The following NDUFV3 variants were observed in gnomAD, a reference collection of about 807,000 sequenced individuals.
The protein encoded by NDUFV3 is NADH dehydrogenase [ubiquinone] flavoprotein 3, mitochondrial.
Under a neutral mutation model 37.5 loss-of-function variants are expected in NDUFV3, and 44 were observed. The ratio of observed to expected loss-of-function variants is 1.17; its 90% confidence interval spans 0.92 to 1.51. NDUFV3 has a LOEUF of 1.51. Among genes scored for constraint, NDUFV3 ranks in the 40% most tolerant of loss-of-function variants. The pLI is 0.00. For missense variants in NDUFV3, 580 were observed against 580.4 expected (o/e 1.00, Z 0.01); for synonymous variants, 235 against 239.3 (o/e 0.98, Z 0.17).
In NDUFV3 at chr21:42,909,272, G is replaced by T. The variant is rs966305782; in HGVS notation, c.*251G>T. Reference sequence around the variant, plus strand: ...TTCTCCCACCTCAGCCTCCCAAGTAGGTGGGATTACAGGTACTCACCACCA... The same window carrying T: ...TTCTCCCACCTCAGCCTCCCAAGTATGTGGGATTACAGGTACTCACCACCA... On this transcript the variant is annotated 3_prime_UTR_variant, in exon 4 of 4. Coordinates refer to ENST00000354250, the MANE Select transcript of NDUFV3 (RefSeq NM_021075.4). The T allele has an allele frequency of 2.4e-6, 1 of 417,478 alleles. No homozygotes were observed. The highest frequency in any genetic ancestry group is 2.1e-5 in the South Asian group (1 of 47,352). 25.9% of individuals were successfully genotyped at this position (417,478 alleles called of 1,614,324 possible).
In NDUFV3 at chr21:42,911,912, C is replaced by A. The variant is rs7282488; in HGVS notation, c.*2891C>A. 1 of 152,058 alleles carries A rather than the reference C, an allele frequency of 6.6e-6. No homozygotes were observed. Among genetic ancestry groups the A allele is most frequent in the South Asian group, 2.1e-4 (1 of 4,824 alleles). 9.4% of individuals were successfully genotyped at this position (152,058 alleles called of 1,614,324 possible). On this transcript the variant is annotated 3_prime_UTR_variant, in exon 4 of 4. Transcript: ENST00000354250. The stretch of plus-strand genomic sequence containing the variant: ...ATGAACATGAATATATTTTGATTTG[C>A]ATATATTTTTAAGATAAAGCATGAG...
In NDUFV3 at chr21:42,903,382, T is replaced by G; in HGVS notation, c.370T>G (p.Phe124Val). ...TTTGTCAAGAAAGACTTTGGTAGAG[T>G]TTCCACAGAAAGTTCTGTCTCCATT... is the stretch of plus-strand genomic sequence containing the variant. ...KFLSRKTLVE[F>V]PQKVLSPFRK... Residue 124 changes from phenylalanine to valine, a missense_variant, in exon 3 of 4, where the codon TTT (phenylalanine) becomes GTT (valine). Physicochemically the swap from Phe to Val is conservative, Grantham distance 50. Transcript: ENST00000354250. 6.2e-7 allele frequency: 1 copy of G among 1,614,046 alleles called. No homozygotes were observed. The highest frequency in any genetic ancestry group is 8.5e-7 in the Non-Finnish European group (1 of 1,180,008).
intron 2 of NDUFV3, among the ~76,000 whole-genome samples, chr21:42,899,285 TTGAGACAGA>T: frequency 4.7e-5 from 7 of 150,070 alleles, no homozygotes; most frequent in African/African-American, 1.7e-4. Flanking sequence ...TTGTTTTTTT[TTGAGACAGA>T]GTTTTGCTCT....
intron 3 of NDUFV3, among the ~76,000 whole-genome samples, chr21:42,906,687 C>T (rs531093906): frequency 3.9e-5 from 6 of 152,362 alleles, no homozygotes; most frequent in East Asian, 1.9e-4. Flanking sequence ...CTTGCAGAGC[C>T]GTGTCTGTAT....
intron 2 of NDUFV3, among the ~76,000 whole-genome samples, chr21:42,897,958 G>A (rs1050791184): frequency 2.6e-5 from 4 of 152,248 alleles, no homozygotes; most frequent in Non-Finnish European, 5.9e-5. Context: ...TTACAGGCGT[G>A]AGCCACCGTG....
chr21:42,906,309 C>T (rs928992164), intron 3 of NDUFV3, among the ~76,000 whole-genome samples: 3 of 152,144 alleles, frequency 2.0e-5, no homozygotes, highest in Non-Finnish European at 4.4e-5. Flanking sequence ...CTAACAAGCG[C>T]GGCTCCGTCC....
intron 2 of NDUFV3, among the ~76,000 whole-genome samples, chr21:42,899,806 C>G (rs1207620002): frequency 6.6e-6 from 1 of 150,926 alleles, no homozygotes; most frequent in African/African-American, 2.5e-5. Flanking sequence ...TTTTGAACTC[C>G]CGACCTCAGA....
rs2058768161 is a variant in NDUFV3 at position 42,910,938 on chromosome 21, G to A, written c.*1917G>A. The A allele has an allele frequency of 1.3e-5, 2 of 152,508 alleles. No homozygotes were observed. Among genetic ancestry groups the A allele is most frequent in the South Asian group, 4.1e-4 (2 of 4,852 alleles). The allele number at this position is 152,508 out of a possible 1,614,324, so 9.4% of individuals were successfully genotyped here. A position where few individuals can be genotyped will look rare whatever the true frequency, so the allele number is the denominator to read the frequency against. ...AGACAGACCCCCAGTCTGACTTAGA[G>A]AAAGTAACCAATGTAGGTGAGGGCC... On this transcript the variant is annotated 3_prime_UTR_variant, in exon 4 of 4. Transcript: ENST00000354250.
intron 2 of NDUFV3, 123 bp downstream of exon 2, chr21:42,897,170 T>C: frequency 8.9e-7 from 1 of 1,125,230 alleles, no homozygotes; most frequent in South Asian, 1.3e-5. Flanking sequence ...TTTTCAGCAG[T>C]GTCCAGATTA....
intron 1 of NDUFV3, 115 bp from the exon 2 acceptor site, chr21:42,896,812 C>G (rs1371495191): frequency 1.3e-5 from 14 of 1,099,648 alleles, no homozygotes; most frequent in Middle Eastern, 6.2e-4. Flanking sequence ...GCACTCCAGC[C>G]TGGACGACTG....
rs770371617 is a variant in NDUFV3, at chr21:42,908,871, C to A, written c.1272C>A (p.Ala424=). The change falls in exon 4 of 4, where the codon GCC becomes GCA. Residue 424 remains alanine (A), a synonymous_variant. Transcript: ENST00000354250. ...ATCGTGTTTCCTCCGCAGAGCCAGC[C>A]CCAGTGCCTGCTGAGCCGTTTGACA... The part of the protein sequence containing the change: ...GDDRGGTQEP[A]PVPAEPFDNT... 6.2e-7 allele frequency: 1 copy of A among 1,614,154 alleles called. No individual in the cohort carries two copies. The highest frequency in any genetic ancestry group is 8.5e-7 in the Non-Finnish European group (1 of 1,180,028).
At position 42,903,630 on chromosome 21, in the gene NDUFV3, A is replaced by C. The variant is rs747161316; in HGVS notation, c.618A>C (p.Lys206Asn). The C allele has an allele frequency of 1.2e-6, 2 of 1,614,042 alleles. No homozygotes were observed. The highest frequency in any genetic ancestry group is 1.7e-6 in the Non-Finnish European group (2 of 1,180,022). ...CCCCCCGAGTTACAGTATCAGCAAA[A>C]GAGAAAACCTTGCTGCAGAAGCCGC... The part of the protein sequence containing the change: ...NRAPRVTVSA[K>N]EKTLLQKPHV... The change falls in exon 3 of 4, where the codon AAA becomes AAC. Residue 206 changes from lysine (K) to asparagine (N), a missense_variant. Coordinates refer to ENST00000354250, the MANE Select transcript of NDUFV3 (RefSeq NM_021075.4).
intron 1 of NDUFV3, among the ~76,000 whole-genome samples, chr21:42,894,944 A>G (rs945218802): frequency 2.6e-5 from 4 of 152,192 alleles, no homozygotes; most frequent in African/African-American, 9.7e-5. Flanking sequence ...TTGGCATAAT[A>G]TAAAATATCA....
At chr21:42,897,938 A>C (rs544782794) in intron 2 of NDUFV3, among the ~76,000 whole-genome samples, 1 of 152,304 alleles carries the variant, frequency 6.6e-6, no homozygotes, top group East Asian at 1.9e-4. Context: ...GGCCTCCCAG[A>C]GTGCTGGAAT....
At chr21:42,896,579 A>T (rs182306204) in intron 1 of NDUFV3, among the ~76,000 whole-genome samples, 1 of 152,058 alleles carries the variant, frequency 6.6e-6, no homozygotes, top group East Asian at 1.9e-4. Context: ...CACCTGGCCA[A>T]TCCCAGCACT....
chr21:42,908,931 C>T lies in NDUFV3; in HGVS notation c.1332C>T (p.Tyr444=), dbSNP rs372005894. ...TTYKNLQHHD[Y]STYTFLDLNL... ...ACAAGAACCTGCAGCATCATGACTACAGCACGTACACCTTCTTAGACCTCA... is the reference window on the plus strand; with the variant it reads ...ACAAGAACCTGCAGCATCATGACTATAGCACGTACACCTTCTTAGACCTCA... Residue 444 remains tyrosine (Y), a synonymous_variant, in exon 4 of 4, where the codon TAC becomes TAT. Transcript: ENST00000354250. 4 of 1,614,100 alleles carry T rather than the reference C, an allele frequency of 2.5e-6. No individual in the cohort carries two copies. Among genetic ancestry groups the T allele is most frequent in the Non-Finnish European group, 3.4e-6 (4 of 1,179,998 alleles).
Position 42,911,104 on chromosome 21 carries a change from G to A in NDUFV3, c.*2083G>A, listed in dbSNP as rs545872083. ...CTAAAAATACAAAAATTAGCCAACT[G>A]TGGTGGTGCGTGCCTGTAATCCCAG... On this transcript the variant is annotated 3_prime_UTR_variant, in exon 4 of 4. Transcript: ENST00000354250. 1 of 152,354 alleles carries A rather than the reference G, an allele frequency of 6.6e-6. No individual in the cohort carries two copies. Among genetic ancestry groups the A allele is most frequent in the East Asian group, 1.9e-4 (1 of 5,186 alleles). 9.4% of individuals were successfully genotyped at this position (152,354 alleles called of 1,614,324 possible). A position where few individuals can be genotyped will look rare whatever the true frequency, so the allele number is the denominator to read the frequency against.
chr21:42,894,645 G>GC lies in NDUFV3; in HGVS notation c.48+1269dup, dbSNP rs552850540. On this transcript the variant is annotated intron_variant, in intron 1 of 3. Transcript: ENST00000354250. ...ACCATCTCAACTCCCTGCAACTTCT[G>GC]CCCCCTGGGATTAAGCGACTCTCGT... is the stretch of plus-strand genomic sequence containing the variant. Among the ~76,000 whole-genome samples the GC allele has an allele frequency of 4.1e-3, 581 of 142,212 alleles. 4 individuals are homozygous for GC. The highest frequency in any genetic ancestry group is 6.9e-3 in the Middle Eastern group (2 of 288). 93.3% of individuals were successfully genotyped at this position (142,212 alleles called of 152,430 possible). A position where few individuals can be genotyped will look rare whatever the true frequency, so the allele number is the denominator to read the frequency against.
rs1423307822 is a variant in NDUFV3, at chr21:42,911,420, T to C, written c.*2399T>C. The C allele has an allele frequency of 7.3e-6, 1 of 137,264 alleles. No individual in the cohort carries two copies. Among genetic ancestry groups the C allele is most frequent in the East Asian group, 2.3e-4 (1 of 4,358 alleles). 8.5% of individuals were successfully genotyped at this position (137,264 alleles called of 1,614,324 possible). A position where few individuals can be genotyped will look rare whatever the true frequency, so the allele number is the denominator to read the frequency against. On this transcript the variant is annotated 3_prime_UTR_variant, in exon 4 of 4. Coordinates refer to ENST00000354250, the MANE Select transcript of NDUFV3 (RefSeq NM_021075.4). ...AAGAAAATAGTAAACTTACCTAAAATCCACTATGCTAACCCACCCTTTTTT... is the reference window on the plus strand; with the variant it reads ...AAGAAAATAGTAAACTTACCTAAAACCCACTATGCTAACCCACCCTTTTTT...
Sources: allele counts gnomAD v4.1 joint callset (sites outside exome capture counted in the v4.1 genomes callset), GRCh38; gene constraint gnomAD v4.1.1; transcripts MANE v1.5; gene names NCBI Gene and HGNC (gene_info 2026-07-23, HGNC 2026-07-21).